Variants in PASK observed in about 807,000 individuals in gnomAD.
PASK encodes the protein PAS domain-containing serine/threonine-protein kinase.
PASK carries 110 observed loss-of-function variants against 121.0 expected under a neutral mutation model. The ratio of observed to expected loss-of-function variants is 0.91; its 90% CI spans 0.78 to 1.06. PASK has a LOEUF of 1.06. PASK is among the 50% of genes least tolerant of loss of function. PASK has a pLI of 0.00. For missense variants in PASK, 1,643 were observed against 1,702.3 expected (o/e 0.97, Z 0.61); for synonymous variants, 686 against 717.8 (o/e 0.96, Z 0.71).
At chr2:241,123,123 C>T (rs1320116540) in intron 11 of PASK, among the ~76,000 whole-genome samples, 1 of 151,898 alleles carries the variant, frequency 6.6e-6, no homozygotes, top group Non-Finnish European at 1.5e-5. Context: ...CATGTCGAAA[C>T]GTGTTTACAC....
chr2:241,114,754 T>A (rs1241902131), intron 14 of PASK: 1 of 1,394,800 alleles, frequency 7.2e-7, no homozygotes, highest in East Asian at 2.6e-5. Flanking sequence ...TTAATTTTTA[T>A]GATTGTTGTG....
In PASK at chr2:241,147,236, G is replaced by A. The variant is rs562472024; in HGVS notation, c.-43+2178C>T. On this transcript the variant is annotated intron_variant, in intron 1 of 17. Transcript: ENST00000234040. ...TATAGCTTCAGAATACATTGTAAATGTTGTAAAACCTTACTTTCTTAAAAA... is the reference window on the plus strand; with the variant it reads ...TATAGCTTCAGAATACATTGTAAATATTGTAAAACCTTACTTTCTTAAAAA... 2.9e-4 allele frequency among the ~76,000 whole-genome samples: 44 copies of A among 152,276 alleles called. No individual in the cohort carries two copies. In the South Asian group the frequency reaches 8.3e-3, roughly 29 times the overall value.
chr2:241,113,185 T>C (rs1263067570), intron 14 of PASK: 2 of 152,348 alleles, frequency 1.3e-5, no homozygotes, highest in African/African-American at 2.4e-5. Flanking sequence ...CTGTCATAAT[T>C]TGGACACCCA....
At chr2:241,113,217 C>T (rs733997) in intron 14 of PASK, 50,782 of 152,116 alleles carry the variant, frequency 0.33, 12,430 homozygotes, top group African/African-American at 0.68. Flanking sequence ...AACTTAGTGA[C>T]TTCATGGATG....
At chr2:241,124,908 T>C (rs545135222) in intron 10 of PASK, among the ~76,000 whole-genome samples, 2 of 152,338 alleles carry the variant, frequency 1.3e-5, no homozygotes, top group African/African-American at 2.4e-5. Flanking sequence ...GGCTCATGCC[T>C]GTAATCTCAG....
chr2:241,140,818 A>G, intron 2 of PASK, 65 bp from the exon 3 acceptor site: 2 of 1,071,708 alleles, frequency 1.9e-6, no homozygotes, highest in Admixed American at 3.8e-5. Flanking sequence ...CTTCTGAAAC[A>G]GGCAAAGCAC....
chr2:241,149,939 G>T (rs1234792672), upstream of PASK: 25 of 1,428,948 alleles, frequency 1.7e-5, no homozygotes, highest in Non-Finnish European at 2.3e-5. Flanking sequence ...CGAGCGTCAA[G>T]AGAAGGCGGC....
intron 15 of PASK, among the ~76,000 whole-genome samples, chr2:241,111,938 CTT>C (rs764619576): frequency 3.8e-4 from 58 of 152,344 alleles, no homozygotes; most frequent in Non-Finnish European, 7.3e-4. Context: ...ATCCTCTTCA[CTT>C]ATTTGAAGAG....
intron 14 of PASK, chr2:241,114,775 G>A: frequency 2.1e-6 from 3 of 1,408,040 alleles, no homozygotes; most frequent in Non-Finnish European, 2.8e-6. Context: ...GATATTTTAT[G>A]TATGTAAATA....
At chr2:241,147,075 C>T (rs1042104164) in intron 1 of PASK, among the ~76,000 whole-genome samples, 7 of 152,164 alleles carry the variant, frequency 4.6e-5, no homozygotes, top group African/African-American at 1.7e-4. Flanking sequence ...CCTTTAGTTA[C>T]AGGTTTACAT....
At position 241,115,075 on chromosome 2, in the gene PASK, C is replaced by T; in HGVS notation, c.3301G>A (p.Asp1101Asn). ...FAFIDRHPRLDEPLASYIFRQ... is the reference protein window; with the variant it reads ...FAFIDRHPRLNEPLASYIFRQ... ...AAGATGTAGCTCGCCAGGGGCTCATCCAGCCTGGGGTGGCGGTCGATGAAA... is the reference window on the plus strand; with the variant it reads ...AAGATGTAGCTCGCCAGGGGCTCATTCAGCCTGGGGTGGCGGTCGATGAAA... Residue 1101 changes from aspartate (D) to asparagine (N), a missense_variant, in exon 14 of 18, where the codon GAT becomes AAT. By Grantham distance (23) the Asp-to-Asn change is conservative. Transcript: ENST00000234040. 6.2e-7 allele frequency: 1 copy of T among 1,614,144 alleles called. No homozygotes were observed. The highest frequency in any genetic ancestry group is 8.5e-7 in the Non-Finnish European group (1 of 1,179,994).
chr2:241,133,083 C>T (rs779788690), intron 8 of PASK, 53 bp from the exon 9 acceptor site: 21 of 1,557,500 alleles, frequency 1.3e-5, no homozygotes, highest in Admixed American at 1.7e-5. Flanking sequence ...CTCCCTAAAA[C>T]GAATCTGCTC....
intron 1 of PASK, among the ~76,000 whole-genome samples, chr2:241,148,019 A>G (rs2067048925): frequency 6.6e-6 from 1 of 152,198 alleles, no homozygotes; most frequent in Non-Finnish European, 1.5e-5. Flanking sequence ...TCAAGAAAGA[A>G]CAGAGTCTGG....
chr2:241,136,985 G>T lies in PASK; in HGVS notation c.1137+19C>A. 1.2e-6 allele frequency: 2 copies of T among 1,610,802 alleles called. No homozygotes were observed. The highest frequency in any genetic ancestry group is 2.2e-5 in the South Asian group (2 of 91,052). On this transcript the variant is annotated intron_variant, in intron 7 of 17. Transcript: ENST00000234040. ...CTTCCTCCCAGGGAACGGGAGCCAG[G>T]CGCCCAGGGCAGCCCCACCTTGCCC...
chr2:241,145,551 C>G (rs2066913240), intron 1 of PASK, among the ~76,000 whole-genome samples: 1 of 151,662 alleles, frequency 6.6e-6, no homozygotes, highest in South Asian at 2.1e-4. Flanking sequence ...TTAAACAAGG[C>G]ACAAAAAACT....
intron 1 of PASK, among the ~76,000 whole-genome samples, chr2:241,144,851 T>C (rs1268526792): frequency 1.3e-5 from 2 of 152,208 alleles, no homozygotes; most frequent in African/African-American, 4.8e-5. Context: ...ATCTTTGGTG[T>C]TCTTGACCTG....
In PASK at chr2:241,116,618, C is replaced by T. The variant is rs574639062; in HGVS notation, c.3073-1205G>A. Among the ~76,000 whole-genome samples, 5 of 152,346 alleles carry T rather than the reference C, an allele frequency of 3.3e-5. No individual in the cohort carries two copies. The South Asian group carries it at 1.0e-3, about 32-fold the overall frequency. Reference sequence around the variant, plus strand: ...GACTCTGAGATTAATCAGACTTTAGCAAGACTGACAGACATAAGGTAAATA... The same window carrying T: ...GACTCTGAGATTAATCAGACTTTAGTAAGACTGACAGACATAAGGTAAATA... On this transcript the variant is annotated intron_variant, in intron 12 of 17. Transcript: ENST00000234040.
chr2:241,149,452 C>T lies in PASK; in HGVS notation c.-81G>A. 1.7e-6 allele frequency: 1 copy of T among 582,408 alleles called. No individual in the cohort carries two copies. The highest frequency in any genetic ancestry group is 3.0e-5 in the East Asian group (1 of 33,508). The allele number at this position is 582,408 out of a possible 1,614,324, so 36.1% of individuals were successfully genotyped here. A position where few individuals can be genotyped will look rare whatever the true frequency, so the allele number is the denominator to read the frequency against. On this transcript the variant is annotated 5_prime_UTR_variant, in exon 1 of 18. Coordinates refer to ENST00000234040, the MANE Select transcript of PASK (RefSeq NM_015148.4). Reference sequence around the variant, plus strand: ...GGGTCACGCCAAGCCGGCTACACACCACGGAAAGGAGCCCTTCCGCGCTTT... The same window carrying T: ...GGGTCACGCCAAGCCGGCTACACACTACGGAAAGGAGCCCTTCCGCGCTTT...
intron 9 of PASK, among the ~76,000 whole-genome samples, chr2:241,131,888 T>C (rs2066152202): frequency 1.3e-5 from 2 of 151,534 alleles, no homozygotes; most frequent in East Asian, 3.9e-4. Context: ...ACCCCGCCTC[T>C]AGTAAAAATA....
Sources: allele counts gnomAD v4.1 joint callset (sites outside exome capture counted in the v4.1 genomes callset), GRCh38; gene constraint gnomAD v4.1.1; transcripts MANE v1.5; gene names NCBI Gene and HGNC (gene_info 2026-07-23, HGNC 2026-07-21).